Variants in SNRPN observed in about 807,000 individuals in gnomAD.
SNRPN encodes the protein small nuclear ribonucleoprotein-associated protein N.
In SNRPN, 7 loss-of-function variants were observed where a neutral mutation model predicts 25.2. That is an observed-to-expected ratio of 0.28 (90% confidence interval 0.16 to 0.52). SNRPN has a LOEUF of 0.52. SNRPN is among the 20% of genes least tolerant of loss of function. The pLI, the probability that SNRPN is intolerant of heterozygous loss-of-function variation, is 0.96. For missense variants in SNRPN, 196 were observed against 322.5 expected, an observed-to-expected ratio of 0.61 and a Z score of 3.00; for synonymous variants, 124 against 110.6, an observed-to-expected ratio of 1.12 and a Z score of -0.76.
chr15:24,949,515 G>A (rs2062103068), intron 3 of SNRPN, among the ~76,000 whole-genome samples: 1 of 152,036 alleles, frequency 6.6e-6, no homozygotes, highest in Non-Finnish European at 1.5e-5. Context: ...CCTGGGCATG[G>A]TGGTGCATGC....
At chr15:24,879,602 G>A (rs925939304) in intron 1 of SNRPN, among the ~76,000 whole-genome samples, 1 of 152,148 alleles carries the variant, frequency 6.6e-6, no homozygotes, top group African/African-American at 2.4e-5. Context: ...TACAAAACCA[G>A]TCTTCTTTCT....
In SNRPN at chr15:24,869,665, G is replaced by A. The variant is rs78814853; in HGVS notation, c.-579+12949G>A. ...TGTCATTGTAACCACATCATATCAC[G>A]GGTGTCTACTATCAACATGATTCAT... On this transcript the variant is annotated intron_variant, in intron 1 of 11. Coordinates refer to the SNRPN transcript ENST00000400097. Among the ~76,000 whole-genome samples, 1,409 of 152,188 alleles carry A rather than the reference G, an allele frequency of 9.3e-3. 19 individuals carry two copies. The highest frequency in any genetic ancestry group is 0.032 in the African/African-American group (1,347 of 41,508).
At chr15:24,870,063 C>A (rs946789731) in intron 1 of SNRPN, among the ~76,000 whole-genome samples, 1 of 152,156 alleles carries the variant, frequency 6.6e-6, no homozygotes. Context: ...GCTCCCATAT[C>A]ATTTTGAAAT....
intron 2 of SNRPN, among the ~76,000 whole-genome samples, chr15:24,914,464 G>A (rs74003509): frequency 0.056 from 8,532 of 152,216 alleles, 287 homozygotes; most frequent in South Asian, 0.11. Flanking sequence ...GGAGGCTGAG[G>A]CAAGGGGATC....
upstream of SNRPN, among the ~76,000 whole-genome samples, chr15:24,954,728 A>C (rs2062557060): frequency 6.6e-6 from 1 of 152,224 alleles, no homozygotes; most frequent in Non-Finnish European, 1.5e-5. Flanking sequence ...TTAGTATTTT[A>C]CACATTTTAA....
chr15:24,841,801 G>A (rs2143318186), intron 2 of SNRPN, among the ~76,000 whole-genome samples: 1 of 152,190 alleles, frequency 6.6e-6, no homozygotes, highest in Admixed American at 6.5e-5. Flanking sequence ...TTCCTCTCAT[G>A]CCTCAGGGAC....
At chr15:24,881,769 A>C (rs931388273) in intron 1 of SNRPN, among the ~76,000 whole-genome samples, 2 of 152,186 alleles carry the variant, frequency 1.3e-5, no homozygotes, top group African/African-American at 2.4e-5. Flanking sequence ...ATTTCATGCA[A>C]TATTCATGAG....
At chr15:24,856,091 C>G (rs140692303), upstream of SNRPN, among the ~76,000 whole-genome samples, 2 of 151,848 alleles carry the variant, frequency 1.3e-5, no homozygotes, top group Admixed American at 1.3e-4. Flanking sequence ...GTGAAAATAT[C>G]ACACTATTTT....
chr15:24,835,153 A>AATAG (rs1210410218), intron 2 of SNRPN, among the ~76,000 whole-genome samples: 1 of 64,164 alleles, frequency 1.6e-5, no homozygotes, highest in African/African-American at 5.2e-5. Context: ...CTATATATAA[A>AATAG]ATATATAGTA....
At chr15:24,910,575 T>G (rs2059149257) in intron 2 of SNRPN, among the ~76,000 whole-genome samples, 1 of 152,052 alleles carries the variant, frequency 6.6e-6, no homozygotes, top group African/African-American at 2.4e-5. Context: ...CACTGCAACC[T>G]CTGCCTCCTC....
At chr15:24,864,339 C>CTT (rs58622804) in intron 1 of SNRPN, among the ~76,000 whole-genome samples, 22 of 117,236 alleles carry the variant, frequency 1.9e-4, no homozygotes, top group South Asian at 2.6e-4. Context: ...CTCTTCTTTT[C>CTT]TTTTTTTTTT....
chr15:24,975,102 C>T, intron 4 of SNRPN: 1 of 636,236 alleles, frequency 1.6e-6, no homozygotes, highest in South Asian at 1.8e-5. Flanking sequence ...TTAGAGCATG[C>T]ATCGTCACAG....
intron 1 of SNRPN, among the ~76,000 whole-genome samples, chr15:24,825,915 T>C (rs2140965399): frequency 6.6e-6 from 1 of 152,214 alleles, no homozygotes; most frequent in African/African-American, 2.4e-5. Context: ...AATACAGGTT[T>C]ATCAGACGCA....
intron 3 of SNRPN, among the ~76,000 whole-genome samples, chr15:24,923,200 G>A (rs72693696): frequency 0.023 from 3,464 of 152,154 alleles, 52 homozygotes; most frequent in Middle Eastern, 0.041. Context: ...GACACCATGC[G>A]CGGCTGCAGA....
chr15:24,879,174 CCTGTAA>C (rs2056332899), intron 1 of SNRPN, among the ~76,000 whole-genome samples: 1 of 152,166 alleles, frequency 6.6e-6, no homozygotes, highest in Admixed American at 6.5e-5. Context: ...GTGGCTCACG[CCTGTAA>C]TCCTAGCACT....
At chr15:24,888,706 A>G (rs1355312655) in intron 2 of SNRPN, among the ~76,000 whole-genome samples, 1 of 152,142 alleles carries the variant, frequency 6.6e-6, no homozygotes, top group Non-Finnish European at 1.5e-5. Flanking sequence ...ATAGTCAACC[A>G]TGCTACCCCT....
rs188214005 is a variant in SNRPN, at chr15:24,926,304, C to T, written c.-391+6180C>T. Among the ~76,000 whole-genome samples the T allele has an allele frequency of 3.9e-3, 586 of 152,072 alleles. 2 individuals carry two copies. The highest frequency in any genetic ancestry group is 6.4e-3 in the Non-Finnish European group (436 of 67,984). The stretch of plus-strand genomic sequence containing the variant: ...TTTATATATTTGAATAATATGTTTA[C>T]ATAGTTAAAAATCAAAATATACGAA... On this transcript the variant is annotated intron_variant, in intron 3 of 11. Coordinates refer to the SNRPN transcript ENST00000400097.
upstream of SNRPN, among the ~76,000 whole-genome samples, chr15:24,854,315 A>T (rs1442024924): frequency 6.6e-6 from 1 of 152,200 alleles, no homozygotes; most frequent in African/African-American, 2.4e-5. Flanking sequence ...TACCAAAACC[A>T]TTTTTAAAAA....
At chr15:24,913,258 TAG>T (rs1467191443) in intron 2 of SNRPN, among the ~76,000 whole-genome samples, 11 of 152,114 alleles carry the variant, frequency 7.2e-5, no homozygotes, top group African/African-American at 2.7e-4. Flanking sequence ...GTATTTCTAA[TAG>T]CAGTACAACG....
Sources: gnomAD v4.1 joint callset for allele counts (sites outside exome capture counted in the v4.1 genomes callset) on GRCh38, gnomAD v4.1.1 for gene constraint, MANE v1.5 for transcripts, NCBI Gene and HGNC (gene_info 2026-07-23, HGNC 2026-07-21) for gene names.